Variants in TRAK1 observed in about 807,000 individuals in gnomAD.
TRAK1 encodes trafficking kinesin-binding protein 1.
Under a neutral mutation model 92.1 loss-of-function variants are expected in TRAK1, and 33 were observed. The observed-to-expected ratio is 0.36, with a 90% confidence interval of 0.27 to 0.48. The LOEUF is 0.48. Ranked by LOEUF, TRAK1 falls within the 20% of genes least tolerant of loss-of-function variation. The pLI is 0.99. For missense variants in TRAK1, 1,123 were observed against 1,257.9 expected, an observed-to-expected ratio of 0.89 and a Z score of 1.62; for synonymous variants, 521 against 517.3, an observed-to-expected ratio of 1.01 and a Z score of -0.10.
intron 2 of TRAK1, among the ~76,000 whole-genome samples, chr3:42,133,746 G>A (rs969897799): frequency 1.3e-5 from 2 of 152,110 alleles, no homozygotes; most frequent in African/African-American, 4.8e-5. Context: ...ACCTTTACGA[G>A]CACTGCAGGA....
intron 13 of TRAK1, chr3:42,203,163 G>T (rs556376850): frequency 8.4e-7 from 1 of 1,191,892 alleles, no homozygotes; most frequent in Non-Finnish European, 1.0e-6. Context: ...CAGTTTTGGT[G>T]TCGGGGAGAG....
chr3:42,198,134 G>A (rs1215126850), intron 10 of TRAK1, among the ~76,000 whole-genome samples: 1 of 152,174 alleles, frequency 6.6e-6, no homozygotes, highest in Non-Finnish European at 1.5e-5. Context: ...GTGCTGAACT[G>A]GTGCTTTTCT....
In TRAK1 at chr3:42,203,227, A is replaced by G. The variant is rs149915818; in HGVS notation, c.1744+475A>G. 1.0e-4 allele frequency: 110 copies of G among 1,067,762 alleles called. No homozygotes were observed. The African/African-American group carries it at 1.7e-3, about 16-fold the overall frequency. The allele number at this position is 1,067,762 out of a possible 1,614,324, so 66.1% of individuals were successfully genotyped here. A position where few individuals can be genotyped will look rare whatever the true frequency, so the allele number is the denominator to read the frequency against. ...TTTTTTTTTCCCCATAACCACCTGA[A>G]TGTGATTTGTGGGCTTATGTGTTCT... On this transcript the variant is annotated intron_variant, in intron 13 of 15. Transcript: ENST00000327628.
chr3:42,026,837 T>C (rs1009103968), intron 1 of TRAK1, among the ~76,000 whole-genome samples: 6 of 152,122 alleles, frequency 3.9e-5, no homozygotes, highest in Non-Finnish European at 8.8e-5. Flanking sequence ...TGATCAACTT[T>C]TGTCAGTAAG....
At chr3:42,084,486 A>G (rs949021786), upstream of TRAK1, among the ~76,000 whole-genome samples, 1 of 152,240 alleles carries the variant, frequency 6.6e-6, no homozygotes, top group Non-Finnish European at 1.5e-5. Context: ...ATGGAGTTTC[A>G]TGCACTGATT....
chr3:42,117,853 C>G (rs1367339301), intron 1 of TRAK1, among the ~76,000 whole-genome samples: 1 of 151,344 alleles, frequency 6.6e-6, no homozygotes, highest in Non-Finnish European at 1.5e-5. Context: ...GAGTCTAGCT[C>G]TGTCATCAGG....
intron 14 of TRAK1, chr3:42,219,006 A>G (rs1710036428): frequency 2.0e-6 from 2 of 985,272 alleles, no homozygotes; most frequent in Admixed American, 6.1e-5. Context: ...GTAAGCAGAA[A>G]GGGAGCTGTG....
At chr3:42,053,378 G>GT (rs1703063278) in intron 1 of TRAK1, among the ~76,000 whole-genome samples, 1 of 108,282 alleles carries the variant, frequency 9.2e-6, no homozygotes, top group African/African-American at 4.5e-5. Flanking sequence ...AGTCGGGTGG[G>GT]GGGGGGGGGC....
At chr3:42,070,331 C>G (rs1703882738) in intron 1 of TRAK1, among the ~76,000 whole-genome samples, 1 of 150,138 alleles carries the variant, frequency 6.7e-6, no homozygotes. Flanking sequence ...GCCAGTTTGA[C>G]AGATAACATG....
At position 42,077,022 on chromosome 3, in the gene TRAK1, C is replaced by T. The variant is rs146916543; in HGVS notation, c.-518-10082C>T. Among the ~76,000 whole-genome samples the T allele has an allele frequency of 4.8e-3, 726 of 152,266 alleles. 2 individuals are homozygous for T. The highest frequency in any genetic ancestry group is 0.016 in the African/African-American group (684 of 41,566). ...CTTTTATACCAGTACCATGCTGTTTCAGTTACTGTAGCCTTGTAGTATAGT... is the reference window on the plus strand; with the variant it reads ...CTTTTATACCAGTACCATGCTGTTTTAGTTACTGTAGCCTTGTAGTATAGT... On this transcript the variant is annotated intron_variant, in intron 1 of 16. Transcript: ENST00000487159.
intron 1 of TRAK1, among the ~76,000 whole-genome samples, chr3:42,100,960 G>A (rs1047864288): frequency 7.9e-5 from 12 of 152,178 alleles, no homozygotes; most frequent in Non-Finnish European, 1.8e-4. Flanking sequence ...GAGCCACCAC[G>A]CCTGGCCAAC....
At chr3:42,179,141 A>G (rs1436389116) in intron 3 of TRAK1, among the ~76,000 whole-genome samples, 1 of 152,220 alleles carries the variant, frequency 6.6e-6, no homozygotes, top group Non-Finnish European at 1.5e-5. Flanking sequence ...AAGGGTCTTC[A>G]TGGCAACAGC....
intron 1 of TRAK1, among the ~76,000 whole-genome samples, chr3:42,016,092 G>C (rs1015799668): frequency 1.3e-5 from 2 of 152,000 alleles, no homozygotes; most frequent in Non-Finnish European, 2.9e-5. Context: ...AAAAATAATA[G>C]AGCACTATTC....
Position 42,219,603 on chromosome 3 carries a change from G to A in TRAK1, c.2066+7G>A. The A allele has an allele frequency of 3.1e-6, 3 of 966,178 alleles. No homozygotes were observed. Among genetic ancestry groups the A allele is most frequent in the East Asian group, 7.8e-5 (2 of 25,752 alleles). The allele number at this position is 966,178 out of a possible 1,614,324, so 59.9% of individuals were successfully genotyped here. ...TCACTCGGGTCACACCAAGGTAAGG[G>A]ACCCTGGCTTTGGGGTGGGCAGGGG... On this transcript the variant is annotated splice_region_variant and intron_variant, in intron 15 of 15. Coordinates refer to ENST00000327628, the MANE Select transcript of TRAK1 (RefSeq NM_001042646.3).
intron 1 of TRAK1, among the ~76,000 whole-genome samples, chr3:42,092,275 C>T (rs1240306483): frequency 6.6e-6 from 1 of 152,018 alleles, no homozygotes; most frequent in Non-Finnish European, 1.5e-5. Context: ...GGTTTCTGTC[C>T]TGTCTACACG....
chr3:42,185,786 C>T (rs1559893030), intron 4 of TRAK1, among the ~76,000 whole-genome samples: 1 of 151,580 alleles, frequency 6.6e-6, no homozygotes, highest in Non-Finnish European at 1.5e-5. Flanking sequence ...ATTGTCCTGC[C>T]TCAGCCTCCC....
At chr3:42,149,228 T>C (rs1699673613) in intron 2 of TRAK1, 2 of 1,231,776 alleles carry the variant, frequency 1.6e-6, no homozygotes, top group Non-Finnish European at 2.0e-6. Context: ...CGATCCTGGC[T>C]ACTCCCATTC....
rs750143079 is a variant in TRAK1, at chr3:42,209,943, C to T, written c.1921C>T (p.Arg641Cys). The change falls in exon 14 of 16, where the codon CGC becomes TGC. Residue 641 changes from arginine to cysteine, a missense_variant. Around this residue, in one of 3 missense-constraint regions of TRAK1, gnomAD observed 401 missense variants for 438.9 expected, o/e 0.91. Transcript: ENST00000327628. Reference protein sequence around the residue: ...DDTGDHISLPRLATSTPVQHP... With the variant: ...DDTGDHISLPCLATSTPVQHP... ...CACAGGTGACCACATTTCTCTCCCA[C>T]GCCTAGCTACCTCCACTCCAGTTCA... is the stretch of plus-strand genomic sequence containing the variant. The T allele has an allele frequency of 5.6e-5, 90 of 1,614,222 alleles. No individual in the cohort carries two copies. The East Asian group carries it at 1.8e-3, about 33-fold the overall frequency.
chr3:42,114,422 G>A (rs1708897345), intron 1 of TRAK1, among the ~76,000 whole-genome samples: 1 of 152,166 alleles, frequency 6.6e-6, no homozygotes, highest in Admixed American at 6.5e-5. Context: ...ACTTTGTCAC[G>A]TGTACCGTAA....
Sources: gnomAD v4.1 joint callset for allele counts (sites outside exome capture counted in the v4.1 genomes callset) on GRCh38, gnomAD v4.1.1 for gene constraint, gnomAD v4.1.1 regional missense constraint, MANE v1.5 for transcripts, NCBI Gene and HGNC (gene_info 2026-07-23, HGNC 2026-07-21) for gene names.